The following KCNAB1 variants were observed in gnomAD, a reference collection of about 807,000 sequenced individuals.
The protein encoded by KCNAB1 is voltage-gated potassium channel subunit beta-1.
Under a neutral mutation model 64.6 loss-of-function variants are expected in KCNAB1, and 35 were observed. The observed-to-expected ratio is 0.54, with a 90% CI of 0.41 to 0.72. The LOEUF is 0.72. Ranked by LOEUF, KCNAB1 falls within the 30% of genes least tolerant of loss-of-function variation. The pLI is 0.00. For missense variants in KCNAB1, 401 were observed against 512.9 expected, an observed-to-expected ratio of 0.78 and a Z score of 2.11; for synonymous variants, 177 against 183.8, an observed-to-expected ratio of 0.96 and a Z score of 0.30.
At chr3:156,219,606 G>T (rs1027837893) in intron 1 of KCNAB1, among the ~76,000 whole-genome samples, 4 of 151,922 alleles carry the variant, frequency 2.6e-5, no homozygotes, top group Admixed American at 1.3e-4. Flanking sequence ...GAAGCTCAAA[G>T]AACATGTGGG....
chr3:156,258,421 A>G (rs1718229146), intron 1 of KCNAB1, among the ~76,000 whole-genome samples: 2 of 152,298 alleles, frequency 1.3e-5, no homozygotes, highest in South Asian at 2.1e-4. Context: ...ATCTAGTCCT[A>G]TGGGCACAAT....
chr3:156,171,187 G>GCACACACACA (rs147202221), intron 1 of KCNAB1, among the ~76,000 whole-genome samples: 9,376 of 142,618 alleles, frequency 0.066, 458 homozygotes, highest in Admixed American at 0.14. Context: ...GAAACTTCAC[G>GCACACACACA]CACACATACA....
intron 1 of KCNAB1, among the ~76,000 whole-genome samples, chr3:156,223,421 G>T (rs1715918617): frequency 6.6e-6 from 1 of 152,206 alleles, no homozygotes; most frequent in African/African-American, 2.4e-5. Flanking sequence ...TTTACAGAGA[G>T]CTGATTGGTC....
intron 1 of KCNAB1, among the ~76,000 whole-genome samples, chr3:156,150,210 A>C (rs1421393939): frequency 6.6e-6 from 1 of 152,192 alleles, no homozygotes; most frequent in Non-Finnish European, 1.5e-5. Flanking sequence ...AGGCGTAGTG[A>C]AAGGGGCTTA....
At chr3:156,523,804 T>G (rs1310554603) in intron 11 of KCNAB1, 23 bp from the exon 12 acceptor site, 2 of 1,603,730 alleles carry the variant, frequency 1.2e-6, no homozygotes, top group South Asian at 2.2e-5. Flanking sequence ...ACATTAACAT[T>G]TCAATGTTAT....
intron 13 of KCNAB1, among the ~76,000 whole-genome samples, chr3:156,532,525 CCT>C (rs1176993105): frequency 1.3e-5 from 2 of 152,170 alleles, no homozygotes; most frequent in South Asian, 2.1e-4. Context: ...AGCACACAGC[CCT>C]GTTACCATTC....
intron 1 of KCNAB1, among the ~76,000 whole-genome samples, chr3:156,319,417 T>A (rs1722507829): frequency 6.6e-6 from 1 of 152,230 alleles, no homozygotes; most frequent in African/African-American, 2.4e-5. Context: ...TAAGTGAGCA[T>A]GGCAAATGGT....
intron 1 of KCNAB1, among the ~76,000 whole-genome samples, chr3:156,307,512 T>G (rs568799888): frequency 6.6e-6 from 1 of 152,242 alleles, no homozygotes; most frequent in East Asian, 1.9e-4. Context: ...CAAATTTTAT[T>G]AAAATTGAAG....
intron 1 of KCNAB1, among the ~76,000 whole-genome samples, chr3:156,342,011 C>T (rs1168823065): frequency 6.6e-6 from 1 of 152,184 alleles, no homozygotes; most frequent in African/African-American, 2.4e-5. Context: ...CAGAGCCACT[C>T]CCTGGCAGCT....
intron 1 of KCNAB1, among the ~76,000 whole-genome samples, chr3:156,163,756 G>C (rs1022368921): frequency 6.6e-6 from 1 of 152,126 alleles, no homozygotes; most frequent in African/African-American, 2.4e-5. Flanking sequence ...ACCTTTTGCT[G>C]GGTGTAAACA....
chr3:156,528,399 T>C (rs1245167969), intron 12 of KCNAB1, among the ~76,000 whole-genome samples: 1 of 152,200 alleles, frequency 6.6e-6, no homozygotes, highest in Non-Finnish European at 1.5e-5. Context: ...ATTTAATAAG[T>C]TCCTACTTTG....
intron 1 of KCNAB1, among the ~76,000 whole-genome samples, chr3:156,394,738 C>T (rs1307743909): frequency 1.3e-5 from 2 of 152,190 alleles, no homozygotes; most frequent in African/African-American, 2.4e-5. Flanking sequence ...TAGTAACTGC[C>T]GATTAATTTC....
At chr3:156,521,276 A>C (rs1717923237) in intron 11 of KCNAB1, among the ~76,000 whole-genome samples, 1 of 152,160 alleles carries the variant, frequency 6.6e-6, no homozygotes, top group Non-Finnish European at 1.5e-5. Context: ...GTGAATTATG[A>C]AATAATATGG....
At chr3:156,272,348 G>T (rs1395975279) in intron 1 of KCNAB1, among the ~76,000 whole-genome samples, 2 of 152,186 alleles carry the variant, frequency 1.3e-5, no homozygotes, top group East Asian at 3.9e-4. Context: ...TAGGAGTCAG[G>T]GCCTGGAGTC....
At chr3:156,130,616 C>T (rs1433594040) in intron 1 of KCNAB1, among the ~76,000 whole-genome samples, 1 of 152,252 alleles carries the variant, frequency 6.6e-6, no homozygotes, top group African/African-American at 2.4e-5. Context: ...ACTCAGGCTG[C>T]AGACTGCAGA....
chr3:156,220,687 G>C (rs1715664397), intron 1 of KCNAB1, among the ~76,000 whole-genome samples: 2 of 152,178 alleles, frequency 1.3e-5, no homozygotes, highest in Admixed American at 6.5e-5. Flanking sequence ...TCTGATGACA[G>C]TTTCTTTTGC....
At chr3:156,307,719 G>A (rs1721601141) in intron 1 of KCNAB1, among the ~76,000 whole-genome samples, 1 of 152,194 alleles carries the variant, frequency 6.6e-6, no homozygotes, top group South Asian at 2.1e-4. Flanking sequence ...CTCCAACCAC[G>A]ATGGAGCAGG....
chr3:156,355,803 G>A (rs182206805), intron 1 of KCNAB1, among the ~76,000 whole-genome samples: 1 of 152,140 alleles, frequency 6.6e-6, no homozygotes, highest in East Asian at 1.9e-4. Context: ...TAAAGTGCTT[G>A]TAATTTCATA....
At chr3:156,302,370 A>T (rs959741989) in intron 1 of KCNAB1, among the ~76,000 whole-genome samples, 1 of 152,194 alleles carries the variant, frequency 6.6e-6, no homozygotes, top group African/African-American at 2.4e-5. Context: ...TTCATGGGCC[A>T]GTATACAGCC....
Sources: allele counts gnomAD v4.1 joint callset (sites outside exome capture counted in the v4.1 genomes callset), GRCh38; gene constraint gnomAD v4.1.1; transcripts MANE v1.5; gene names NCBI Gene and HGNC (gene_info 2026-07-23, HGNC 2026-07-21).